The following PPIH variants were observed in gnomAD, a reference collection of about 807,000 sequenced individuals.
PPIH encodes the protein peptidyl-prolyl cis-trans isomerase H.
In PPIH, 16 loss-of-function variants were observed where a neutral mutation model predicts 27.6. That is an observed-to-expected ratio of 0.58 (90% CI 0.39 to 0.88). PPIH has a LOEUF of 0.88. Ranked by LOEUF, PPIH falls within the 40% of genes least tolerant of loss-of-function variation. PPIH has a pLI of 0.00. For missense variants in PPIH, 155 were observed against 224.1 expected (o/e 0.69, Z 1.97); for synonymous variants, 63 against 76.1 (o/e 0.83, Z 0.90).
chr1:42,678,365 G>T (rs1649948111), downstream of PPIH, among the ~76,000 whole-genome samples: 1 of 152,168 alleles, frequency 6.6e-6, no homozygotes, highest in East Asian at 1.9e-4. Context: ...GTATTAGAAT[G>T]TGAGCCCGTG....
At chr1:42,679,419 A>C (rs1488610708), downstream of PPIH, among the ~76,000 whole-genome samples, 8 of 152,134 alleles carry the variant, frequency 5.3e-5, no homozygotes, top group Non-Finnish European at 8.8e-5. Context: ...CGAACTCCTG[A>C]CTTCAAGTGA....
chr1:42,658,657 G>T, intron 1 of PPIH, 145 bp downstream of exon 1: 1 of 1,141,054 alleles, frequency 8.8e-7, no homozygotes, highest in Non-Finnish European at 1.3e-6. Context: ...CGGGCGGGGG[G>T]AAAGGAGGAG....
intron 9 of PPIH, among the ~76,000 whole-genome samples, chr1:42,672,896 G>A (rs1252566607): frequency 5.9e-5 from 9 of 152,104 alleles, no homozygotes; most frequent in Non-Finnish European, 2.9e-5. Context: ...TGATCTGCCC[G>A]CCTTGACTTC....
chr1:42,675,897 G>A (rs1207626773), intron 9 of PPIH, among the ~76,000 whole-genome samples: 1 of 152,160 alleles, frequency 6.6e-6, no homozygotes, highest in Non-Finnish European at 1.5e-5. Context: ...GAGCCAAGTA[G>A]ACCAGGAAGT....
At chr1:42,669,548 T>C (rs920800503) in intron 9 of PPIH, among the ~76,000 whole-genome samples, 5 of 152,160 alleles carry the variant, frequency 3.3e-5, no homozygotes, top group Non-Finnish European at 5.9e-5. Flanking sequence ...CTTGGCCTCC[T>C]AAAGTGCTAG....
At chr1:42,666,213 T>A in intron 7 of PPIH, 146 bp downstream of exon 7, 1 of 775,664 alleles carries the variant, frequency 1.3e-6, no homozygotes, top group Admixed American at 2.3e-5. Context: ...GGTGGGGAGG[T>A]GGGGAACATG....
At chr1:42,664,351 G>A (rs1041717775) in intron 5 of PPIH, among the ~76,000 whole-genome samples, 4 of 152,192 alleles carry the variant, frequency 2.6e-5, no homozygotes, top group Non-Finnish European at 5.9e-5. Context: ...TCCCAGAGAA[G>A]GAACTCTAGT....
At chr1:42,659,282 C>T (rs1648863972) in intron 3 of PPIH, 31 bp downstream of exon 3, 1 of 1,614,194 alleles carries the variant, frequency 6.2e-7, no homozygotes, top group South Asian at 1.1e-5. Context: ...ACTTCTTTGC[C>T]TGCTCCAGAG....
In PPIH at chr1:42,669,242, T is replaced by C. The variant is rs948195019; in HGVS notation, c.*21+1802T>C. 3.2e-4 allele frequency among the ~76,000 whole-genome samples: 48 copies of C among 151,148 alleles called. 1 individual carries two copies. Among genetic ancestry groups the C allele is most frequent in the Non-Finnish European group, 5.9e-5 (4 of 67,880 alleles). ...GAAAAACCGAAACTGCAGTGCAGGCTGAGCATCCCTAATCCGAAATCCCAA... is the reference window on the plus strand; with the variant it reads ...GAAAAACCGAAACTGCAGTGCAGGCCGAGCATCCCTAATCCGAAATCCCAA... On this transcript the variant is annotated intron_variant, in intron 9 of 9. Transcript: ENST00000304979.
chr1:42,673,364 T>G (rs1373440971), intron 9 of PPIH, among the ~76,000 whole-genome samples: 2 of 152,338 alleles, frequency 1.3e-5, no homozygotes, highest in South Asian at 4.1e-4. Flanking sequence ...TGCTGTAGTC[T>G]GAATGGGTTG....
intron 9 of PPIH, among the ~76,000 whole-genome samples, chr1:42,675,989 A>G (rs1398047401): frequency 2.6e-5 from 4 of 152,204 alleles, no homozygotes; most frequent in African/African-American, 4.8e-5. Flanking sequence ...TAGATAATAT[A>G]TAATGCATGG....
chr1:42,671,450 A>C (rs1649631845), intron 9 of PPIH, among the ~76,000 whole-genome samples: 1 of 152,190 alleles, frequency 6.6e-6, no homozygotes, highest in Admixed American at 6.5e-5. Flanking sequence ...GTAAATAAAA[A>C]AATAATAAAT....
At chr1:42,676,434 C>CTCCA (rs1439180312) in intron 9 of PPIH, 150 bp from the exon 10 acceptor site, 1 of 152,098 alleles carries the variant, frequency 6.6e-6, no homozygotes, top group African/African-American at 2.4e-5. Context: ...CGCCACTGTA[C>CTCCA]TCCAGCCTGG....
chr1:42,667,567 TAGTC>T, intron 9 of PPIH, 127 bp downstream of exon 9: 1 of 689,670 alleles, frequency 1.4e-6, no homozygotes, highest in Non-Finnish European at 2.5e-6. Context: ...GGCCTTGGAG[TAGTC>T]ACTTTCCTTC....
chr1:42,671,959 C>T (rs1485398183), intron 9 of PPIH, among the ~76,000 whole-genome samples: 1 of 151,322 alleles, frequency 6.6e-6, no homozygotes, highest in Non-Finnish European at 1.5e-5. Flanking sequence ...TCTCGGCTCA[C>T]TGCAGACTCT....
At chr1:42,677,468 T>C (rs1352889526), downstream of PPIH, among the ~76,000 whole-genome samples, 1 of 151,908 alleles carries the variant, frequency 6.6e-6, no homozygotes, top group Non-Finnish European at 1.5e-5. Flanking sequence ...TGAGACTGTC[T>C]CAAAAAAAGA....
intron 9 of PPIH, among the ~76,000 whole-genome samples, chr1:42,672,673 A>C (rs1474508735): frequency 6.6e-6 from 1 of 151,666 alleles, no homozygotes; most frequent in Non-Finnish European, 1.5e-5. Flanking sequence ...TTAAGACAGA[A>C]TCTCACTCCG....
At chr1:42,664,809 G>A in intron 5 of PPIH, 54 bp from the exon 6 acceptor site, 2 of 1,418,516 alleles carry the variant, frequency 1.4e-6, no homozygotes, top group Non-Finnish European at 9.8e-7. Flanking sequence ...TCTTCCTCCG[G>A]TTTCCAGGGA....
intron 1 of PPIH, 133 bp from the exon 2 acceptor site, chr1:42,658,711 G>T: frequency 8.4e-7 from 1 of 1,186,496 alleles, no homozygotes; most frequent in Non-Finnish European, 1.2e-6. Flanking sequence ...GGAGGAACTG[G>T]GCGGTTAGAC....
Sources: gnomAD v4.1 joint callset for allele counts (sites outside exome capture counted in the v4.1 genomes callset) on GRCh38, gnomAD v4.1.1 for gene constraint, MANE v1.5 for transcripts, NCBI Gene and HGNC (gene_info 2026-07-23, HGNC 2026-07-21) for gene names.